HECW2: variants seen among roughly 807,000 people sequenced by gnomAD.
HECW2 encodes the protein HECT, C2 and WW domain containing E3 ubiquitin protein ligase 2, also known as E3 ubiquitin-protein ligase HECW2.
Under a neutral mutation model 175.2 loss-of-function variants are expected in HECW2, and 61 were observed. That is an observed-to-expected ratio of 0.35 (90% CI 0.28 to 0.43). The LOEUF is 0.43. Ranked by LOEUF, HECW2 falls within the 20% of genes least tolerant of loss-of-function variation. HECW2 has a pLI of 1.00. For missense variants in HECW2, 1,524 were observed against 2,000.5 expected (o/e 0.76, Z 4.54); for synonymous variants, 671 against 731.0 (o/e 0.92, Z 1.32).
intron 1 of HECW2, among the ~76,000 whole-genome samples, chr2:196,574,596 C>T (rs898760556): frequency 7.2e-5 from 11 of 152,032 alleles, no homozygotes; most frequent in African/African-American, 2.2e-4. Flanking sequence ...ATTAAAATGT[C>T]CACTCTACAC....
chr2:196,372,312 G>A (rs1693929331), intron 2 of HECW2, among the ~76,000 whole-genome samples: 1 of 152,168 alleles, frequency 6.6e-6, no homozygotes, highest in South Asian at 2.1e-4. Context: ...CTGCCTCCTA[G>A]TAAACTTTGA....
chr2:196,207,675 C>T (rs2105776942), intron 28 of HECW2, among the ~76,000 whole-genome samples: 2 of 152,212 alleles, frequency 1.3e-5, no homozygotes, highest in East Asian at 1.9e-4. Flanking sequence ...CATTGCTTCT[C>T]TCCCTGTGTT....
At chr2:196,475,302 A>G (rs989737296) in intron 1 of HECW2, among the ~76,000 whole-genome samples, 32 of 147,674 alleles carry the variant, frequency 2.2e-4, no homozygotes, top group Non-Finnish European at 1.6e-4. Flanking sequence ...GTAGGGAAGG[A>G]GAAGGGAGTG....
chr2:196,321,579 T>C (rs985550538), intron 7 of HECW2, among the ~76,000 whole-genome samples: 1 of 152,052 alleles, frequency 6.6e-6, no homozygotes, highest in South Asian at 2.1e-4. Flanking sequence ...TTTGTATTTT[T>C]AGTAGAGACA....
At chr2:196,366,009 C>T (rs978608466) in intron 2 of HECW2, among the ~76,000 whole-genome samples, 4 of 152,176 alleles carry the variant, frequency 2.6e-5, no homozygotes. Flanking sequence ...AGCTTCCCCC[C>T]ACAATAACTA....
intron 2 of HECW2, among the ~76,000 whole-genome samples, chr2:196,353,964 C>T (rs939108949): frequency 6.6e-6 from 1 of 152,128 alleles, no homozygotes; most frequent in African/African-American, 2.4e-5. Flanking sequence ...AACCTCATCA[C>T]CCTTCAATTG....
At chr2:196,453,819 G>A (rs6718934) in intron 1 of HECW2, among the ~76,000 whole-genome samples, 18,516 of 151,998 alleles carry the variant, frequency 0.12, 1,428 homozygotes, top group African/African-American at 0.22. Context: ...CGGGGATAGA[G>A]AATCAATATA....
At chr2:196,395,717 A>G (rs1005392831) in intron 2 of HECW2, among the ~76,000 whole-genome samples, 1 of 131,704 alleles carries the variant, frequency 7.6e-6, no homozygotes, top group Admixed American at 7.9e-5. Flanking sequence ...TTTTTTTTTA[A>G]AAAAAGAAAA....
At chr2:196,485,767 A>G (rs1686980117) in intron 1 of HECW2, among the ~76,000 whole-genome samples, 1 of 152,220 alleles carries the variant, frequency 6.6e-6, no homozygotes, top group Non-Finnish European at 1.5e-5. Flanking sequence ...GTATCACCAT[A>G]AAAGCCAAGG....
At chr2:196,391,750 C>A (rs937400114) in intron 2 of HECW2, among the ~76,000 whole-genome samples, 12 of 152,200 alleles carry the variant, frequency 7.9e-5, no homozygotes, top group Non-Finnish European at 1.6e-4. Context: ...CTCTCTCATA[C>A]TTCCAGAATC....
chr2:196,446,977 C>T (rs1391095509), intron 1 of HECW2, among the ~76,000 whole-genome samples: 1 of 152,034 alleles, frequency 6.6e-6, no homozygotes, highest in East Asian at 1.9e-4. Flanking sequence ...AGAATGAATT[C>T]AAAATAATAA....
intron 1 of HECW2, among the ~76,000 whole-genome samples, chr2:196,523,117 A>G (rs1465116421): frequency 1.3e-5 from 2 of 152,018 alleles, no homozygotes; most frequent in Non-Finnish European, 2.9e-5. Flanking sequence ...TGAGCATGGA[A>G]TGTTCTTCCA....
At chr2:196,354,611 G>A (rs1451861130) in intron 2 of HECW2, among the ~76,000 whole-genome samples, 2 of 152,170 alleles carry the variant, frequency 1.3e-5, no homozygotes, top group African/African-American at 4.8e-5. Context: ...ATACAAAAAA[G>A]AAATAACATT....
intron 1 of HECW2, among the ~76,000 whole-genome samples, chr2:196,545,140 A>G (rs972254801): frequency 4.6e-5 from 7 of 152,352 alleles, no homozygotes; most frequent in African/African-American, 1.7e-4. Flanking sequence ...TAATAGAGTG[A>G]CAGAGGAAAC....
At chr2:196,472,481 CAAAA>C (rs538116476) in intron 1 of HECW2, among the ~76,000 whole-genome samples, 2 of 71,378 alleles carry the variant, frequency 2.8e-5, no homozygotes, top group East Asian at 5.5e-4. Context: ...GAGACTCCGT[CAAAA>C]AAAAAAAAAA....
At chr2:196,569,493 A>G (rs924133534) in intron 1 of HECW2, among the ~76,000 whole-genome samples, 1 of 152,188 alleles carries the variant, frequency 6.6e-6, no homozygotes, top group African/African-American at 2.4e-5. Context: ...ATGCTTCTCT[A>G]TTCTACACAC....
At position 196,334,409 on chromosome 2, in the gene HECW2, G is replaced by A. The variant is rs1011622508; in HGVS notation, c.495+15C>T. On this transcript the variant is annotated intron_variant, in intron 4 of 28. Transcript: ENST00000644978. Reference sequence around the variant, plus strand: ...CATGGATCTCACAAGGAAGCTGGCAGCGAGGGGCACTCACCATCACAGCTG... The same window carrying A: ...CATGGATCTCACAAGGAAGCTGGCAACGAGGGGCACTCACCATCACAGCTG... The A allele has an allele frequency of 1.3e-5, 20 of 1,590,230 alleles. No individual in the cohort carries two copies. Among genetic ancestry groups the A allele is most frequent in the Non-Finnish European group, 1.6e-5 (19 of 1,166,382 alleles).
chr2:196,324,257 G>A (rs1468528911), intron 6 of HECW2, among the ~76,000 whole-genome samples: 1 of 152,114 alleles, frequency 6.6e-6, no homozygotes, highest in Non-Finnish European at 1.5e-5. Flanking sequence ...AAGAAATGGA[G>A]GGAGAGCTCA....
Position 196,334,634 on chromosome 2 carries a change from C to T in HECW2, c.401-116G>A, listed in dbSNP as rs1315357587. ...GAATCCTACTCATGACTCTGAATGA[C>T]CTCTTTTTTCCACTCAGCGCCAACA... On this transcript the variant is annotated intron_variant, in intron 3 of 28. Transcript: ENST00000644978. The T allele has an allele frequency of 4.0e-6, 3 of 752,222 alleles. No homozygotes were observed. In the South Asian group the frequency reaches 5.3e-5, roughly 13 times the overall value. 46.6% of individuals were successfully genotyped at this position (752,222 alleles called of 1,614,324 possible). A position where few individuals can be genotyped will look rare whatever the true frequency, so the allele number is the denominator to read the frequency against.
Sources: gnomAD v4.1 joint callset for allele counts (sites outside exome capture counted in the v4.1 genomes callset) on GRCh38, gnomAD v4.1.1 for gene constraint, MANE v1.5 for transcripts, NCBI Gene and HGNC (gene_info 2026-07-23, HGNC 2026-07-21) for gene names.